MIGA1: variants seen among roughly 807,000 people sequenced by gnomAD.
The protein encoded by MIGA1 is mitoguardin 1.
In MIGA1, 58 loss-of-function variants were observed where a neutral mutation model predicts 82.0. That is an observed-to-expected ratio of 0.71 (90% confidence interval 0.57 to 0.88). The LOEUF (loss-of-function observed/expected upper bound fraction) is 0.88, where lower values mean the gene tolerates loss of function less well. MIGA1 is among the 40% of genes least tolerant of loss of function. The pLI is 0.00. For synonymous variants in MIGA1, 249 were observed against 253.6 expected (o/e 0.98, Z 0.17); for missense variants, 751 against 749.1 (o/e 1.00, Z -0.03).
chr1:77,853,915 T>G (rs1342919573), intron 8 of MIGA1: 4 of 257,512 alleles, frequency 1.6e-5, no homozygotes, highest in Non-Finnish European at 3.1e-5. Context: ...TTCCATTAAG[T>G]TATTGGGGTA....
intron 5 of MIGA1, among the ~76,000 whole-genome samples, chr1:77,812,143 ATC>A (rs1683364574): frequency 6.6e-6 from 1 of 152,058 alleles, no homozygotes; most frequent in African/African-American, 2.4e-5. Flanking sequence ...GTGAAACCTC[ATC>A]TCTACAAATA....
intron 2 of MIGA1, among the ~76,000 whole-genome samples, chr1:77,795,338 T>C (rs1682608064): frequency 6.6e-6 from 1 of 151,524 alleles, no homozygotes; most frequent in African/African-American, 2.4e-5. Flanking sequence ...ATTTGGAATA[T>C]TTTTCTTTTT....
At chr1:77,799,534 TC>T (rs1682789732) in intron 2 of MIGA1, among the ~76,000 whole-genome samples, 1 of 152,214 alleles carries the variant, frequency 6.6e-6, no homozygotes, top group South Asian at 2.1e-4. Context: ...TTAGGACGTA[TC>T]CTCATTGTGA....
Position 77,779,740 on chromosome 1 carries a change from C to T in MIGA1, c.81+4C>T. The T allele has an allele frequency of 6.4e-7, 1 of 1,565,740 alleles. No homozygotes were observed. The highest frequency in any genetic ancestry group is 8.7e-7 in the Non-Finnish European group (1 of 1,155,482). On this transcript the variant is annotated splice_donor_region_variant and intron_variant, in intron 1 of 15. Transcript: ENST00000370791. Reference sequence around the variant, plus strand: ...TGTACCTGGCCTGGAGCTCCAGGTACAGGGCCAGGGGCGGGGTGGGGTGGA... The same window carrying T: ...TGTACCTGGCCTGGAGCTCCAGGTATAGGGCCAGGGGCGGGGTGGGGTGGA...
At position 77,805,593 on chromosome 1, in the gene MIGA1, G is replaced by C. The variant is rs150375092; in HGVS notation, c.511-1382G>C. 5.8e-3 allele frequency among the ~76,000 whole-genome samples: 851 copies of C among 146,476 alleles called. 12 individuals are homozygous for C. The highest frequency in any genetic ancestry group is 0.02 in the African/African-American group (803 of 39,628). On this transcript the variant is annotated intron_variant, in intron 4 of 15. Transcript: ENST00000370791. Reference sequence around the variant, plus strand: ...TGCCCAGGCTGGAGGGCAGTGGTGTGATCTTGGCTCACTGCAACCTCCATC... The same window carrying C: ...TGCCCAGGCTGGAGGGCAGTGGTGTCATCTTGGCTCACTGCAACCTCCATC...
At chr1:77,869,061 C>G (rs534697833) in intron 14 of MIGA1, among the ~76,000 whole-genome samples, 1 of 151,576 alleles carries the variant, frequency 6.6e-6, no homozygotes, top group Non-Finnish European at 1.5e-5. Flanking sequence ...ACAAAGGTCT[C>G]TGGTTTTCCT....
intron 2 of MIGA1, among the ~76,000 whole-genome samples, chr1:77,799,444 T>C (rs1164027753): frequency 3.3e-5 from 5 of 152,208 alleles, no homozygotes; most frequent in Non-Finnish European, 7.4e-5. Flanking sequence ...TTCTGACTTA[T>C]GTTTTTAAAC....
rs1176838372 is a variant in MIGA1 at position 77,841,948 on chromosome 1, A to ATT, written c.896-1342_896-1341dup. On this transcript the variant is annotated intron_variant, in intron 7 of 15. Coordinates refer to ENST00000370791, the MANE Select transcript of MIGA1 (RefSeq NM_198549.4). ...TGAGCATGTGCCACAACACCTGGCT[A>ATT]TTTTTTTTTTTTTTTTTTGGACGAG... 2.9e-3 allele frequency among the ~76,000 whole-genome samples: 351 copies of ATT among 121,210 alleles called. 1 individual carries two copies. Among genetic ancestry groups the ATT allele is most frequent in the Non-Finnish European group, 4.8e-3 (272 of 56,294 alleles). 79.5% of individuals were successfully genotyped at this position (121,210 alleles called of 152,430 possible).
chr1:77,786,526 C>T (rs985418753), intron 2 of MIGA1, among the ~76,000 whole-genome samples: 19 of 152,222 alleles, frequency 1.2e-4, no homozygotes, highest in African/African-American at 4.6e-4. Context: ...ACCCAAGTCA[C>T]CTCTTGAATG....
chr1:77,790,352 C>T (rs1445958076), intron 2 of MIGA1, among the ~76,000 whole-genome samples: 17 of 152,284 alleles, frequency 1.1e-4, no homozygotes, highest in Admixed American at 8.5e-4. Context: ...CTGCAAGCTC[C>T]GCCTCCCGGG....
chr1:77,837,649 G>A (rs374547904), intron 7 of MIGA1, among the ~76,000 whole-genome samples: 2 of 152,130 alleles, frequency 1.3e-5, no homozygotes, highest in South Asian at 2.1e-4. Flanking sequence ...ATTGCATCAC[G>A]CTTCTATTGT....
At chr1:77,803,529 T>A (rs1682971420) in intron 4 of MIGA1, 123 bp downstream of exon 4, 1 of 432,756 alleles carries the variant, frequency 2.3e-6, no homozygotes, top group Non-Finnish European at 3.9e-6. Flanking sequence ...ATCGTCTGAA[T>A]GTGCTTTCTT....
At chr1:77,838,347 T>TATTA (rs1684506603) in intron 7 of MIGA1, among the ~76,000 whole-genome samples, 1 of 148,720 alleles carries the variant, frequency 6.7e-6, no homozygotes, top group Non-Finnish European at 1.5e-5. Flanking sequence ...TTTATTTATT[T>TATTA]ATTATTTATT....
At chr1:77,780,220 C>T in intron 1 of MIGA1, 1 of 979,226 alleles carries the variant, frequency 1.0e-6, no homozygotes, top group Non-Finnish European at 1.2e-6. Flanking sequence ...GTCTCAGGTT[C>T]GGCTTGGATG....
At chr1:77,815,364 A>T (rs1020171678) in intron 7 of MIGA1, 133 bp downstream of exon 7, 18 of 580,928 alleles carry the variant, frequency 3.1e-5, no homozygotes, top group African/African-American at 5.8e-5. Context: ...AAGAGAAAAA[A>T]TTTTTATCAT....
At chr1:77,788,311 G>C (rs1376923468) in intron 2 of MIGA1, among the ~76,000 whole-genome samples, 1 of 152,030 alleles carries the variant, frequency 6.6e-6, no homozygotes, top group Non-Finnish European at 1.5e-5. Context: ...CCTAATTTTT[G>C]TATTTTTAGT....
chr1:77,785,017 A>G (rs1456945073), intron 2 of MIGA1, among the ~76,000 whole-genome samples: 2 of 152,112 alleles, frequency 1.3e-5, no homozygotes, highest in Admixed American at 6.5e-5. Flanking sequence ...TTGGGTGGGG[A>G]CACAGCCAAA....
At chr1:77,808,965 G>A (rs886528047) in intron 5 of MIGA1, among the ~76,000 whole-genome samples, 2 of 152,134 alleles carry the variant, frequency 1.3e-5, no homozygotes, top group East Asian at 3.8e-4. Context: ...CAAGTTTATG[G>A]CTGGATATGG....
chr1:77,864,220 AT>A (rs1456251026), intron 13 of MIGA1, among the ~76,000 whole-genome samples, 192 bp downstream of exon 13: 1 of 150,506 alleles, frequency 6.6e-6, no homozygotes, highest in Non-Finnish European at 1.5e-5. Flanking sequence ...AAAAAAAAAA[AT>A]TAGCTGGGCA....
Sources: gnomAD v4.1 joint callset for allele counts (sites outside exome capture counted in the v4.1 genomes callset) on GRCh38, gnomAD v4.1.1 for gene constraint, MANE v1.5 for transcripts, NCBI Gene and HGNC (gene_info 2026-07-23, HGNC 2026-07-21) for gene names.